NKAIN3: variants seen among roughly 807,000 people sequenced by gnomAD.
NKAIN3 encodes the protein sodium/potassium transporting ATPase interacting 3, also known as sodium/potassium-transporting ATPase subunit beta-1-interacting protein 3.
Under a neutral mutation model 30.2 loss-of-function variants are expected in NKAIN3, and 25 were observed. The ratio of observed to expected loss-of-function variants is 0.83; its 90% CI spans 0.60 to 1.16. The LOEUF is 1.16. Among genes scored for constraint, NKAIN3 ranks in the 50% most tolerant of loss-of-function variants. The pLI is 0.00. For missense variants in NKAIN3, 225 were observed against 254.1 expected, an observed-to-expected ratio of 0.89 and a Z score of 0.78; for synonymous variants, 91 against 89.6, an observed-to-expected ratio of 1.02 and a Z score of -0.09.
At chr8:62,297,000 G>T (rs1033469242) in intron 1 of NKAIN3, among the ~76,000 whole-genome samples, 1 of 152,036 alleles carries the variant, frequency 6.6e-6, no homozygotes, top group African/African-American at 2.4e-5. Context: ...AGTCGTTCAG[G>T]TTCTATCTCC....
At chr8:62,677,644 G>A (rs1312104574) in intron 3 of NKAIN3, among the ~76,000 whole-genome samples, 1 of 152,176 alleles carries the variant, frequency 6.6e-6, no homozygotes, top group African/African-American at 2.4e-5. Context: ...ATTTCCTGGG[G>A]TAACTCATAA....
chr8:62,955,816 A>C (rs1823404498), intron 6 of NKAIN3, among the ~76,000 whole-genome samples: 1 of 152,162 alleles, frequency 6.6e-6, no homozygotes, highest in South Asian at 2.1e-4. Context: ...AGATCACCTA[A>C]AAGGCTTTGA....
rs116758142 is a variant in NKAIN3, at chr8:62,449,276, C to T, written c.55-130263C>T. Among the ~76,000 whole-genome samples, 518 of 151,956 alleles carry T rather than the reference C, an allele frequency of 3.4e-3. 3 individuals are homozygous for T. Among genetic ancestry groups the T allele is most frequent in the African/African-American group, 0.012 (497 of 41,468 alleles). On this transcript the variant is annotated intron_variant, in intron 1 of 6. Transcript: ENST00000623646. Reference sequence around the variant, plus strand: ...AGATTCTAAGTGAATGAAAAGAAGCCGGTTTAGTGGCTAAGCTTACTTTAT... The same window carrying T: ...AGATTCTAAGTGAATGAAAAGAAGCTGGTTTAGTGGCTAAGCTTACTTTAT...
intron 1 of NKAIN3, among the ~76,000 whole-genome samples, chr8:62,567,969 T>A (rs1480718428): frequency 6.6e-6 from 1 of 152,202 alleles, no homozygotes; most frequent in Non-Finnish European, 1.5e-5. Context: ...CACATGTGTA[T>A]CAAATTAAAG....
At chr8:62,266,254 A>C (rs1045054862) in intron 1 of NKAIN3, among the ~76,000 whole-genome samples, 2 of 152,206 alleles carry the variant, frequency 1.3e-5, no homozygotes, top group African/African-American at 4.8e-5. Context: ...TGGAGTCTAA[A>C]TAAGACTTAA....
intron 1 of NKAIN3, among the ~76,000 whole-genome samples, chr8:62,280,491 G>A (rs1332495597): frequency 6.6e-6 from 1 of 152,120 alleles, no homozygotes; most frequent in Admixed American, 6.6e-5. Flanking sequence ...TGCCCATTCA[G>A]TATGATATTG....
intron 6 of NKAIN3, among the ~76,000 whole-genome samples, chr8:62,955,050 G>T (rs950780714): frequency 6.6e-6 from 1 of 152,102 alleles, no homozygotes; most frequent in Non-Finnish European, 1.5e-5. Flanking sequence ...TTGCCACAGT[G>T]GTTCTTACCC....
chr8:62,547,751 G>A (rs1399056637), intron 1 of NKAIN3, among the ~76,000 whole-genome samples: 1 of 152,192 alleles, frequency 6.6e-6, no homozygotes, highest in Non-Finnish European at 1.5e-5. Context: ...TTCAAGCTGT[G>A]AGGAGAGCCT....
intron 1 of NKAIN3, among the ~76,000 whole-genome samples, chr8:62,490,289 C>T (rs1383634881): frequency 6.6e-6 from 1 of 152,124 alleles, no homozygotes; most frequent in Non-Finnish European, 1.5e-5. Flanking sequence ...TCCATTTGTG[C>T]CCATGCCCAT....
intron 3 of NKAIN3, among the ~76,000 whole-genome samples, chr8:62,728,563 G>C (rs975937656): frequency 6.7e-6 from 1 of 150,224 alleles, no homozygotes; most frequent in Non-Finnish European, 1.5e-5. Flanking sequence ...ACTCAGGAGG[G>C]CTGAGGCAGG....
At chr8:62,335,480 T>C (rs756662895) in intron 1 of NKAIN3, among the ~76,000 whole-genome samples, 1 of 151,106 alleles carries the variant, frequency 6.6e-6, no homozygotes, top group Non-Finnish European at 1.5e-5. Flanking sequence ...AAAATCTTAT[T>C]CCATCAGAGC....
chr8:62,985,362 A>G (rs1824181107), downstream of NKAIN3, among the ~76,000 whole-genome samples: 1 of 152,250 alleles, frequency 6.6e-6, no homozygotes, highest in South Asian at 2.1e-4. Flanking sequence ...ACCTTAAAGT[A>G]GGTCTCAGGT....
At chr8:62,845,239 A>T (rs1352186418) in intron 4 of NKAIN3, among the ~76,000 whole-genome samples, 1 of 142,480 alleles carries the variant, frequency 7.0e-6, no homozygotes, top group Non-Finnish European at 1.5e-5. Flanking sequence ...TGTTTTATAA[A>T]TCTTCTTTTT....
intron 1 of NKAIN3, among the ~76,000 whole-genome samples, chr8:62,294,465 A>T (rs573040618): frequency 6.6e-6 from 1 of 152,214 alleles, no homozygotes; most frequent in South Asian, 2.1e-4. Flanking sequence ...TGACTACACA[A>T]AAAGGATTAT....
intron 4 of NKAIN3, among the ~76,000 whole-genome samples, chr8:62,810,146 G>T (rs1203865536): frequency 6.6e-6 from 1 of 152,104 alleles, no homozygotes; most frequent in African/African-American, 2.4e-5. Context: ...TCATATTCAT[G>T]AGTTTTAGAT....
chr8:62,719,447 A>G lies in NKAIN3; in HGVS notation c.274-27485A>G, dbSNP rs115522928. Among the ~76,000 whole-genome samples the G allele has an allele frequency of 9.6e-4, 146 of 152,334 alleles. 1 individual carries two copies. Among genetic ancestry groups the G allele is most frequent in the African/African-American group, 3.5e-3 (144 of 41,576 alleles). On this transcript the variant is annotated intron_variant, in intron 3 of 6. Coordinates refer to ENST00000623646, the MANE Select transcript of NKAIN3 (RefSeq NM_001304533.3). ...AAAAATGGATGCTTTTCTTGATGCT[A>G]AATTTGTGTTGACCAGAACCCTGGT...
intron 6 of NKAIN3, among the ~76,000 whole-genome samples, chr8:62,954,577 T>C (rs1426029118): frequency 6.6e-6 from 1 of 152,194 alleles, no homozygotes; most frequent in African/African-American, 2.4e-5. Flanking sequence ...ACTGGTGAGA[T>C]TTCAGTTGAG....
chr8:62,460,730 T>C (rs1270792694), intron 1 of NKAIN3, among the ~76,000 whole-genome samples: 1 of 152,164 alleles, frequency 6.6e-6, no homozygotes, highest in Non-Finnish European at 1.5e-5. Context: ...CCTGTCTTTT[T>C]TACTCGATAG....
chr8:62,418,878 A>T lies in NKAIN3; in HGVS notation c.55-160661A>T, dbSNP rs1187599551. Reference sequence around the variant, plus strand: ...TCATAGATCCGCTGGCATGAAAAGTACTGTATGAACCAGGGAAGGTTGTAG... The same window carrying T: ...TCATAGATCCGCTGGCATGAAAAGTTCTGTATGAACCAGGGAAGGTTGTAG... On this transcript the variant is annotated intron_variant, in intron 1 of 6. Transcript: ENST00000623646. Among the ~76,000 whole-genome samples the T allele has an allele frequency of 1.3e-5, 2 of 152,178 alleles. 1 individual carries two copies. The highest frequency in any genetic ancestry group is 2.9e-5 in the Non-Finnish European group (2 of 68,030).
Sources: allele counts gnomAD v4.1 joint callset (sites outside exome capture counted in the v4.1 genomes callset), GRCh38; gene constraint gnomAD v4.1.1; transcripts MANE v1.5; gene names NCBI Gene and HGNC (gene_info 2026-07-23, HGNC 2026-07-21).